PLEKHA6: variants seen among roughly 807,000 people sequenced by gnomAD.
The protein encoded by PLEKHA6 is pleckstrin homology domain containing A6.
Under a neutral mutation model 116.7 loss-of-function variants are expected in PLEKHA6, and 60 were observed. That is an observed-to-expected ratio of 0.51 (90% confidence interval 0.42 to 0.64). PLEKHA6 has a LOEUF of 0.64. PLEKHA6 is among the 30% of genes least tolerant of loss of function. The pLI, the probability that PLEKHA6 is intolerant of heterozygous loss-of-function variation, is 0.00. For synonymous variants in PLEKHA6, 489 were observed against 556.1 expected, an observed-to-expected ratio of 0.88 and a Z score of 1.70; for missense variants, 1,338 against 1,422.7, an observed-to-expected ratio of 0.94 and a Z score of 0.96.
chr1:204,363,512 C>T (rs1272759846), upstream of PLEKHA6, among the ~76,000 whole-genome samples: 1 of 152,192 alleles, frequency 6.6e-6, no homozygotes, highest in Non-Finnish European at 1.5e-5. Context: ...AGAAAGCGTC[C>T]TGCCACGTCT....
intron 1 of PLEKHA6, among the ~76,000 whole-genome samples, chr1:204,338,063 C>T (rs1395483210): frequency 6.6e-6 from 1 of 152,232 alleles, no homozygotes; most frequent in African/African-American, 2.4e-5. Flanking sequence ...AACTGAGGTT[C>T]CAAGAGGTTA....
At chr1:204,293,867 C>G (rs1019737979) in intron 1 of PLEKHA6, among the ~76,000 whole-genome samples, 2 of 152,120 alleles carry the variant, frequency 1.3e-5, no homozygotes, top group African/African-American at 4.8e-5. Context: ...AATGCATGAA[C>G]ATGGAGAAAG....
At chr1:204,242,613 A>C (rs1310903118) in intron 15 of PLEKHA6, among the ~76,000 whole-genome samples, 1 of 152,214 alleles carries the variant, frequency 6.6e-6, no homozygotes, top group African/African-American at 2.4e-5. Context: ...CTAGGGATGC[A>C]GGTGAGAGAA....
chr1:204,271,146 A>T (rs913797157), intron 3 of PLEKHA6, among the ~76,000 whole-genome samples: 1 of 152,050 alleles, frequency 6.6e-6, no homozygotes, highest in Non-Finnish European at 1.5e-5. Flanking sequence ...AGTTCATCAG[A>T]TATTGTTTGT....
chr1:204,311,267 A>T (rs1671647674), intron 1 of PLEKHA6, among the ~76,000 whole-genome samples: 1 of 152,072 alleles, frequency 6.6e-6, no homozygotes, highest in South Asian at 2.1e-4. Context: ...TGAGGCAGGC[A>T]GATCACCTGA....
At chr1:204,338,307 T>C (rs910940807) in intron 1 of PLEKHA6, among the ~76,000 whole-genome samples, 2 of 152,218 alleles carry the variant, frequency 1.3e-5, no homozygotes, top group African/African-American at 2.4e-5. Flanking sequence ...AAAAGAATTC[T>C]TTTACATATG....
At chr1:204,249,033 A>G (rs943408448) in intron 11 of PLEKHA6, 63 bp from the exon 12 acceptor site, 1 of 1,573,656 alleles carries the variant, frequency 6.4e-7, no homozygotes, top group Non-Finnish European at 8.7e-7. Context: ...ATTGAACAGC[A>G]GAGGCCTGAG....
intron 1 of PLEKHA6, among the ~76,000 whole-genome samples, chr1:204,346,305 C>G (rs1673045443): frequency 6.6e-6 from 1 of 152,190 alleles, no homozygotes; most frequent in Non-Finnish European, 1.5e-5. Flanking sequence ...CTGACAGGCC[C>G]TCTCTGTATG....
At chr1:204,316,535 G>T (rs1464690700) in intron 1 of PLEKHA6, among the ~76,000 whole-genome samples, 2 of 152,186 alleles carry the variant, frequency 1.3e-5, no homozygotes, top group Admixed American at 1.3e-4. Context: ...AGCTGGCAGA[G>T]CCTCCGGAGC....
intron 6 of PLEKHA6, 53 bp downstream of exon 6, chr1:204,264,889 A>G (rs1475779093): frequency 2.4e-6 from 3 of 1,246,654 alleles, no homozygotes; most frequent in African/African-American, 1.5e-5. Context: ...CATAGGCTCT[A>G]GAAGAGCAGG....
chr1:204,262,479 T>C lies in PLEKHA6; in HGVS notation c.382-1031A>G, dbSNP rs779790308. ...CTCAGCACACTTCCCAGTGAGATCC[T>C]CAGTAGCCTAGCTTAGCCCACTCAA... On this transcript the variant is annotated intron_variant, in intron 6 of 22. Coordinates refer to ENST00000272203, the MANE Select transcript of PLEKHA6 (RefSeq NM_014935.5). Among the ~76,000 whole-genome samples the C allele has an allele frequency of 1.1e-4, 17 of 152,080 alleles. 1 individual carries two copies. The highest frequency in any genetic ancestry group is 2.1e-4 in the South Asian group (1 of 4,822).
At chr1:204,307,605 T>C (rs1671434367) in intron 1 of PLEKHA6, among the ~76,000 whole-genome samples, 2 of 152,232 alleles carry the variant, frequency 1.3e-5, no homozygotes. Context: ...AAACTGCAGG[T>C]TGGCCAAGTC....
intron 12 of PLEKHA6, 51 bp from the exon 13 acceptor site, chr1:204,247,511 C>G: frequency 1.7e-6 from 2 of 1,192,778 alleles, no homozygotes; most frequent in East Asian, 2.4e-5. Flanking sequence ...CCAAGGCATT[C>G]CTCCTTATCC....
chr1:204,360,639 A>G (rs574816459), upstream of PLEKHA6, among the ~76,000 whole-genome samples: 1 of 152,272 alleles, frequency 6.6e-6, no homozygotes, highest in Admixed American at 6.5e-5. Flanking sequence ...ACCCACTTGT[A>G]TTGGAGTCGA....
intron 4 of PLEKHA6, 82 bp from the exon 5 acceptor site, chr1:204,267,629 T>C (rs1666979106): frequency 1.7e-6 from 2 of 1,193,980 alleles, no homozygotes; most frequent in East Asian, 4.7e-5. Flanking sequence ...AAGGGCACAG[T>C]GCCAATTATA....
chr1:204,358,972 G>A (rs749115863), intron 1 of PLEKHA6, among the ~76,000 whole-genome samples: 21 of 131,626 alleles, frequency 1.6e-4, no homozygotes, highest in Non-Finnish European at 2.9e-4. Context: ...ACCCTTCTCT[G>A]GCCAGTCCCC....
chr1:204,354,175 C>T (rs892341440), intron 1 of PLEKHA6, among the ~76,000 whole-genome samples: 1 of 152,324 alleles, frequency 6.6e-6, no homozygotes, highest in East Asian at 1.9e-4. Flanking sequence ...AGGGACCTCA[C>T]CTCCTCCTTA....
chr1:204,259,771 G>A lies in PLEKHA6; in HGVS notation c.525-31C>T, dbSNP rs1665872685. On this transcript the variant is annotated intron_variant, in intron 7 of 22. Coordinates refer to ENST00000272203, the MANE Select transcript of PLEKHA6 (RefSeq NM_014935.5). This position sits in a 1 kb window ranked among gnomAD's most constrained non-coding sequence, Gnocchi z 4.6. ...GGATGCCAAGGGAGATGCTGTCAGT[G>A]ACTCTAGCCCAGCATGGAGTGGGGC... The A allele has an allele frequency of 6.3e-7, 1 of 1,583,136 alleles. No individual in the cohort carries two copies. The highest frequency in any genetic ancestry group is 8.6e-7 in the Non-Finnish European group (1 of 1,164,578).
intron 1 of PLEKHA6, chr1:204,320,489 T>C (rs4245730): frequency 0.46 from 449,633 of 979,478 alleles, 104,486 homozygotes; most frequent in Middle Eastern, 0.5. Context: ...CTGAGAAGGC[T>C]TGGTGCCTGC....
Sources: gnomAD v4.1 joint callset for allele counts (sites outside exome capture counted in the v4.1 genomes callset) on GRCh38, gnomAD v4.1.1 for gene constraint, Gnocchi (gnomAD v3.1) non-coding constraint, MANE v1.5 for transcripts, NCBI Gene and HGNC (gene_info 2026-07-23, HGNC 2026-07-21) for gene names.